ADGRG1: variants seen among roughly 807,000 people sequenced by gnomAD.
The protein encoded by ADGRG1 is 7-transmembrane protein with no EGF-like N-terminal domains-1.
A neutral mutation model predicts 73.5 loss-of-function variants in ADGRG1; 53 were observed. The observed-to-expected ratio is 0.72, with a 90% confidence interval of 0.58 to 0.91. The LOEUF (loss-of-function observed/expected upper bound fraction) is 0.91. Among genes scored for constraint, ADGRG1 ranks in the 40% least tolerant of loss-of-function variants. The pLI is 0.00. For synonymous variants in ADGRG1, 394 were observed against 374.4 expected (o/e 1.05, Z -0.60); for missense variants, 795 against 871.8 (o/e 0.91, Z 1.11).
chr16:57,636,393 A>T, intron 1 of ADGRG1: 1 of 985,318 alleles, frequency 1.0e-6, no homozygotes, highest in Non-Finnish European at 1.2e-6. Context: ...CAGAGCCTTT[A>T]TCGGGAAAAC....
chr16:57,632,411 C>A, intron 1 of ADGRG1: 1 of 748,436 alleles, frequency 1.3e-6, no homozygotes, highest in Non-Finnish European at 1.6e-6. Context: ...ACATCTGCTT[C>A]AGAGGCTATT....
In ADGRG1 at chr16:57,651,649, C is replaced by G. The variant is rs370820102; in HGVS notation, c.487+27C>G. On this transcript the variant is annotated intron_variant, in intron 3 of 13. Transcript: ENST00000562631. ...TAAGGCAACTTCCAGGCGGAGGGAA[C>G]AACTGGGCAGTGGTCTAGAGGCAGG... 3 of 1,605,896 alleles carry G rather than the reference C, an allele frequency of 1.9e-6. No homozygotes were observed. In the African/African-American group the frequency reaches 4.0e-5, roughly 21 times the overall value.
chr16:57,644,248 AC>A, intron 1 of ADGRG1: 2 of 934,324 alleles, frequency 2.1e-6, no homozygotes, highest in African/African-American at 3.6e-5. Context: ...TCATGCACAC[AC>A]ATGCACAGTC....
intron 5 of ADGRG1, among the ~76,000 whole-genome samples, chr16:57,654,418 C>T (rs1419272571): frequency 7.4e-6 from 1 of 135,162 alleles, no homozygotes; most frequent in African/African-American, 2.7e-5. Flanking sequence ...CACCCCCCCC[C>T]CCCGTTTTTT....
chr16:57,625,878 C>G (rs917906800), upstream of ADGRG1, among the ~76,000 whole-genome samples: 2 of 152,206 alleles, frequency 1.3e-5, no homozygotes, highest in Admixed American at 6.5e-5. Context: ...CCACCTCAGC[C>G]AATGCTGTTC....
intron 4 of ADGRG1, chr16:57,653,561 T>A: frequency 2.0e-6 from 2 of 985,030 alleles, no homozygotes; most frequent in South Asian, 9.4e-5. Flanking sequence ...CAAGCCCTCC[T>A]CCCCCTCATA....
upstream of ADGRG1, chr16:57,620,784 T>G (rs2034646124): frequency 6.6e-6 from 1 of 152,272 alleles, no homozygotes; most frequent in Non-Finnish European, 1.5e-5. Context: ...GGTCCCTCCC[T>G]CCACCGGCTG....
In ADGRG1 at chr16:57,643,614, C is replaced by G; in HGVS notation, c.-35-6639C>G. ...GTAAGAGTGTGAGGCTCACCCTGGGCAGTGAGTGGGCCAGGCCTGGGCACC... is the reference window on the plus strand; with the variant it reads ...GTAAGAGTGTGAGGCTCACCCTGGGGAGTGAGTGGGCCAGGCCTGGGCACC... On this transcript the variant is annotated intron_variant, in intron 1 of 13. Coordinates refer to ENST00000562631, the MANE Select transcript of ADGRG1 (RefSeq NM_201525.4). 3 of 984,508 alleles carry G rather than the reference C, an allele frequency of 3.0e-6. No homozygotes were observed. In the African/African-American group the frequency reaches 5.2e-5, roughly 17 times the overall value. The allele number at this position is 984,508 out of a possible 1,614,324, so 61.0% of individuals were successfully genotyped here.
chr16:57,639,529 G>A, intron 1 of ADGRG1: 1 of 985,478 alleles, frequency 1.0e-6, no homozygotes, highest in Non-Finnish European at 1.2e-6. Context: ...CAGCTTCAAA[G>A]TCTCTGTCCT....
intron 1 of ADGRG1, chr16:57,632,685 G>A (rs1049482095): frequency 7.2e-6 from 5 of 692,530 alleles, no homozygotes; most frequent in Admixed American, 6.3e-5. Flanking sequence ...GGTGGGCGTC[G>A]GGCTCCCGAG....
intron 1 of ADGRG1, chr16:57,630,200 G>C (rs1311560223): frequency 2.0e-5 from 8 of 392,540 alleles, no homozygotes; most frequent in Non-Finnish European, 2.4e-5. Flanking sequence ...GATAGCCCCG[G>C]GCAGCCTGTT....
chr16:57,628,063 A>AC (rs1555530441), upstream of ADGRG1: 3 of 883,890 alleles, frequency 3.4e-6, no homozygotes, highest in East Asian at 5.4e-4. Flanking sequence ...GAGACGGGTC[A>AC]CCCCCCGGGG....
chr16:57,621,085 C>T (rs894704185), intron 1 of ADGRG1: 2 of 152,088 alleles, frequency 1.3e-5, no homozygotes, highest in East Asian at 3.9e-4. Flanking sequence ...GGCGCTGTGC[C>T]CTCTCTACCA....
Position 57,664,097 on chromosome 16 carries a change from G to A in ADGRG1, c.*515G>A, listed in dbSNP as rs1231815888. 6.1e-6 allele frequency: 1 copy of A among 164,520 alleles called. No individual in the cohort carries two copies. Among genetic ancestry groups the A allele is most frequent in the African/African-American group, 2.4e-5 (1 of 41,606 alleles). The allele number at this position is 164,520 out of a possible 1,614,324, so 10.2% of individuals were successfully genotyped here. A position where few individuals can be genotyped will look rare whatever the true frequency, so the allele number is the denominator to read the frequency against. On this transcript the variant is annotated 3_prime_UTR_variant, in exon 14 of 14. Coordinates refer to ENST00000562631, the MANE Select transcript of ADGRG1 (RefSeq NM_201525.4). Reference sequence around the variant, plus strand: ...CCCAGGGCAGACCTTCAGGGCCAGAGCCCTGGCGGAGGAGAGGCCCTTTGC... The same window carrying A: ...CCCAGGGCAGACCTTCAGGGCCAGAACCCTGGCGGAGGAGAGGCCCTTTGC...
At chr16:57,643,843 GC>G in intron 1 of ADGRG1, 2 of 980,198 alleles carry the variant, frequency 2.0e-6, no homozygotes, top group Non-Finnish European at 2.4e-6. Flanking sequence ...GGAGGAGAGT[GC>G]TTCTGCCTTT....
chr16:57,646,456 A>G, intron 1 of ADGRG1: 1 of 985,506 alleles, frequency 1.0e-6, no homozygotes, highest in Non-Finnish European at 1.2e-6. Flanking sequence ...CCATTGTGTC[A>G]GACTGGACTG....
chr16:57,654,804 C>T (rs1376768335), intron 5 of ADGRG1, among the ~76,000 whole-genome samples: 4 of 152,148 alleles, frequency 2.6e-5, no homozygotes, highest in Admixed American at 6.5e-5. Flanking sequence ...CGCTTGAACC[C>T]GGGAGGCGGA....
Position 57,634,428 on chromosome 16 carries a change from G to T in ADGRG1, c.-36+5626G>T, listed in dbSNP as rs1391251202. 1.0e-5 allele frequency: 10 copies of T among 985,326 alleles called. No individual in the cohort carries two copies. In the African/African-American group the frequency reaches 1.6e-4, roughly 15 times the overall value. 61.0% of individuals were successfully genotyped at this position (985,326 alleles called of 1,614,324 possible). On this transcript the variant is annotated intron_variant, in intron 1 of 13. Coordinates refer to ENST00000562631, the MANE Select transcript of ADGRG1 (RefSeq NM_201525.4). Reference sequence around the variant, plus strand: ...TGGGCACGGGCCAAACAGTTCAGGGGCGACTCACAGCCCAAACTTCCGCCC... The same window carrying T: ...TGGGCACGGGCCAAACAGTTCAGGGTCGACTCACAGCCCAAACTTCCGCCC...
At chr16:57,644,231 C>A in intron 1 of ADGRG1, 1 of 976,952 alleles carries the variant, frequency 1.0e-6, no homozygotes, top group Non-Finnish European at 1.2e-6. Context: ...CACTCATGCA[C>A]ACACACTCAT....
Sources: allele counts gnomAD v4.1 joint callset (sites outside exome capture counted in the v4.1 genomes callset), GRCh38; gene constraint gnomAD v4.1.1; transcripts MANE v1.5; gene names NCBI Gene and HGNC (gene_info 2026-07-23, HGNC 2026-07-21).